Variants in UBXN2A observed in about 807,000 individuals in gnomAD.
UBXN2A encodes the protein UBX domain protein 2A, also known as UBX domain-containing protein 2A.
A neutral mutation model predicts 28.4 loss-of-function variants in UBXN2A; 28 were observed. The ratio of observed to expected loss-of-function variants is 0.99; its 90% CI spans 0.73 to 1.35. The LOEUF is 1.35. Ranked by LOEUF, UBXN2A falls within the 40% of genes most tolerant of loss-of-function variation. The pLI is 0.00. For synonymous variants in UBXN2A, 97 were observed against 103.6 expected (o/e 0.94, Z 0.39); for missense variants, 253 against 297.9 (o/e 0.85, Z 1.11).
chr2:23,930,360 C>A (rs1040371762), intron 1 of UBXN2A, among the ~76,000 whole-genome samples: 2 of 151,968 alleles, frequency 1.3e-5, no homozygotes, highest in African/African-American at 4.8e-5. Context: ...AAATCAAGAA[C>A]GTTTAAAAAT....
At chr2:23,955,452 C>T (rs1706575719) in intron 1 of UBXN2A, among the ~76,000 whole-genome samples, 1 of 152,156 alleles carries the variant, frequency 6.6e-6, no homozygotes, top group Non-Finnish European at 1.5e-5. Context: ...CTTTTTCTCT[C>T]ACTCTCTTTC....
chr2:23,975,664 G>A (rs147219986), intron 3 of UBXN2A, among the ~76,000 whole-genome samples: 27 of 152,116 alleles, frequency 1.8e-4, no homozygotes, highest in African/African-American at 5.3e-4. Flanking sequence ...TTAAGATGGC[G>A]TTTCACTACT....
At chr2:23,960,007 C>T (rs1159155617) in intron 2 of UBXN2A, among the ~76,000 whole-genome samples, 3 of 152,082 alleles carry the variant, frequency 2.0e-5, no homozygotes, top group East Asian at 3.9e-4. Flanking sequence ...AATCCCAGCA[C>T]TTTGGAAGGC....
In UBXN2A at chr2:23,970,306, C is replaced by G. The variant is rs190664083; in HGVS notation, c.42-970C>G. The stretch of plus-strand genomic sequence containing the variant: ...CTCAAGAAAACCTCAAAAAACAGAA[C>G]AAAAACACCACACATTTTCTACTCC... On this transcript the variant is annotated intron_variant, in intron 2 of 6. Transcript: ENST00000309033. 2.3e-3 allele frequency among the ~76,000 whole-genome samples: 356 copies of G among 152,220 alleles called. 3 individuals carry two copies. The highest frequency in any genetic ancestry group is 3.9e-3 in the Non-Finnish European group (268 of 68,012).
intron 3 of UBXN2A, among the ~76,000 whole-genome samples, chr2:23,974,910 C>T (rs1164372621): frequency 5.9e-5 from 9 of 151,496 alleles, no homozygotes; most frequent in Admixed American, 3.3e-4. Flanking sequence ...ACCAGGGAGG[C>T]GGAGCTCGCA....
At chr2:23,938,792 A>C (rs192244262), upstream of UBXN2A, among the ~76,000 whole-genome samples, 25 of 152,368 alleles carry the variant, frequency 1.6e-4, no homozygotes, top group Admixed American at 5.9e-4. Flanking sequence ...GTACAGAAAT[A>C]AATTTATACA....
intron 4 of UBXN2A, among the ~76,000 whole-genome samples, chr2:23,978,825 C>G (rs111571980): frequency 0.19 from 28,367 of 149,356 alleles, 2,778 homozygotes; most frequent in Middle Eastern, 0.29. Flanking sequence ...AGCCACGCAT[C>G]GTGGCACGTG....
rs34140980 is a variant in UBXN2A at position 23,988,122 on chromosome 2, C to CA, written c.584+3308dup. 8.7e-3 allele frequency among the ~76,000 whole-genome samples: 1,047 copies of CA among 120,992 alleles called. 6 individuals carry two copies. Among genetic ancestry groups the CA allele is most frequent in the Non-Finnish European group, 0.011 (620 of 57,722 alleles). 79.4% of individuals were successfully genotyped at this position (120,992 alleles called of 152,430 possible). A position where few individuals can be genotyped will look rare whatever the true frequency, so the allele number is the denominator to read the frequency against. On this transcript the variant is annotated intron_variant, in intron 6 of 6. Transcript: ENST00000309033. Reference sequence around the variant, plus strand: ...AGGGTGACAGAGTGAGGCTCCATCTCAAAAAAAAAAAAAAAAAGAAAGAAA... The same window carrying CA: ...AGGGTGACAGAGTGAGGCTCCATCTCAAAAAAAAAAAAAAAAAAGAAAGAAA...
At chr2:23,951,413 GATATATATATATATATATAT>G (rs57701448) in intron 1 of UBXN2A, among the ~76,000 whole-genome samples, 1,526 of 109,870 alleles carry the variant, frequency 0.014, 35 homozygotes, top group East Asian at 0.042. Context: ...CAGTAAGATG[GATATATATATATATATATAT>G]ATATATATAT....
At chr2:23,934,321 C>T (rs1705462266) in intron 1 of UBXN2A, among the ~76,000 whole-genome samples, 1 of 152,214 alleles carries the variant, frequency 6.6e-6, no homozygotes, top group Non-Finnish European at 1.5e-5. Flanking sequence ...TCCTCAGTCA[C>T]ACTACCACAT....
chr2:23,942,972 T>G (rs933887575), intron 1 of UBXN2A, among the ~76,000 whole-genome samples: 1 of 152,082 alleles, frequency 6.6e-6, no homozygotes, highest in African/African-American at 2.4e-5. Context: ...AACAACTTTT[T>G]TTTTTTTTTG....
intron 1 of UBXN2A, 100 bp from the exon 2 acceptor site, chr2:23,958,201 C>T: frequency 1.2e-6 from 1 of 808,898 alleles, no homozygotes; most frequent in South Asian, 3.1e-5. Flanking sequence ...CTCACTTTTT[C>T]TTTAGACACT....
chr2:23,944,309 C>G (rs1270502916), intron 1 of UBXN2A: 1 of 1,604,764 alleles, frequency 6.2e-7, no homozygotes, highest in African/African-American at 1.3e-5. Context: ...GAGTGGTTGT[C>G]CTGGTTCTTA....
At chr2:23,957,006 A>T (rs1031827444) in intron 1 of UBXN2A, among the ~76,000 whole-genome samples, 2 of 152,224 alleles carry the variant, frequency 1.3e-5, no homozygotes, top group Middle Eastern at 3.2e-3. Flanking sequence ...ATCCTCCTGT[A>T]TACTATAAAT....
chr2:23,967,463 T>A (rs1167579164), intron 2 of UBXN2A, among the ~76,000 whole-genome samples: 3 of 152,220 alleles, frequency 2.0e-5, no homozygotes, highest in Admixed American at 2.0e-4. Flanking sequence ...TGTGTGCCAG[T>A]ATGTATACTG....
At chr2:23,998,543 A>T (rs1421955368) in intron 6 of UBXN2A, among the ~76,000 whole-genome samples, 1 of 152,074 alleles carries the variant, frequency 6.6e-6, no homozygotes, top group Non-Finnish European at 1.5e-5. Flanking sequence ...ACATGGCAAA[A>T]CCCCATCTCT....
intron 6 of UBXN2A, among the ~76,000 whole-genome samples, chr2:23,997,932 C>T (rs1453900315): frequency 6.6e-6 from 1 of 151,760 alleles, no homozygotes; most frequent in Non-Finnish European, 1.5e-5. Flanking sequence ...CTGCCTCAGC[C>T]TCCTGAGTAG....
chr2:23,990,305 C>G (rs948349144), intron 6 of UBXN2A, among the ~76,000 whole-genome samples: 1 of 151,746 alleles, frequency 6.6e-6, no homozygotes, highest in Non-Finnish European at 1.5e-5. Flanking sequence ...TTCTGACACA[C>G]TGCAGTCAAC....
chr2:23,974,449 C>CA (rs1386073404), intron 3 of UBXN2A, among the ~76,000 whole-genome samples: 2 of 151,674 alleles, frequency 1.3e-5, no homozygotes, highest in African/African-American at 4.8e-5. Flanking sequence ...GGGTTCACAC[C>CA]ATTCTCCTGC....
Sources: gnomAD v4.1 joint callset for allele counts (sites outside exome capture counted in the v4.1 genomes callset) on GRCh38, gnomAD v4.1.1 for gene constraint, MANE v1.5 for transcripts, NCBI Gene and HGNC (gene_info 2026-07-23, HGNC 2026-07-21) for gene names.